The following ST8SIA6 variants were observed in gnomAD, a reference collection of about 807,000 sequenced individuals.
The protein encoded by ST8SIA6 is alpha-2,8-sialyltransferase 8F.
ST8SIA6 carries 39 observed loss-of-function variants against 33.6 expected under a neutral mutation model. That is an observed-to-expected ratio of 1.16 (90% CI 0.90 to 1.52). The LOEUF is 1.52. ST8SIA6 is among the 40% of genes most tolerant of loss of function. The pLI, the probability that ST8SIA6 is intolerant of heterozygous loss-of-function variation, is 0.00. For missense variants in ST8SIA6, 441 were observed against 443.8 expected (o/e 0.99, Z 0.06); for synonymous variants, 172 against 167.2 (o/e 1.03, Z -0.22).
At chr10:17,389,243 G>A (rs955309460) in intron 3 of ST8SIA6, among the ~76,000 whole-genome samples, 4 of 152,050 alleles carry the variant, frequency 2.6e-5, no homozygotes, top group Non-Finnish European at 4.4e-5. Flanking sequence ...ATAAAACTCC[G>A]GTCTCCCACA....
chr10:17,377,167 T>G (rs909215233), intron 3 of ST8SIA6, among the ~76,000 whole-genome samples: 7 of 152,130 alleles, frequency 4.6e-5, no homozygotes, highest in Non-Finnish European at 1.0e-4. Context: ...TCCTGGACAG[T>G]GAATCTCAGG....
intron 4 of ST8SIA6, among the ~76,000 whole-genome samples, chr10:17,347,209 G>C (rs1332018733): frequency 6.6e-6 from 1 of 152,214 alleles, no homozygotes; most frequent in African/African-American, 2.4e-5. Flanking sequence ...TAGCCAAGTA[G>C]ACACATACAA....
intron 3 of ST8SIA6, among the ~76,000 whole-genome samples, chr10:17,372,658 C>T (rs531562982): frequency 8.9e-4 from 135 of 152,096 alleles, no homozygotes; most frequent in Admixed American, 2.0e-3. Context: ...TAATAATTAT[C>T]GTCATTATGA....
chr10:17,367,563 A>G (rs988694285), intron 3 of ST8SIA6, among the ~76,000 whole-genome samples: 16 of 152,290 alleles, frequency 1.1e-4, no homozygotes, highest in African/African-American at 3.4e-4. Context: ...AAAGAGAATC[A>G]ATAAACAAAT....
chr10:17,451,220 G>A (rs1040019598), intron 2 of ST8SIA6, among the ~76,000 whole-genome samples: 2 of 152,114 alleles, frequency 1.3e-5, no homozygotes, highest in African/African-American at 4.8e-5. Flanking sequence ...TGGCATATAT[G>A]TACCACATAC....
chr10:17,338,265 C>T (rs1480299507), intron 4 of ST8SIA6, among the ~76,000 whole-genome samples: 1 of 152,180 alleles, frequency 6.6e-6, no homozygotes, highest in Non-Finnish European at 1.5e-5. Flanking sequence ...AACTCCCGAC[C>T]TCAGTGATCC....
At chr10:17,386,411 C>A in intron 3 of ST8SIA6, among the ~76,000 whole-genome samples, 1 of 152,082 alleles carries the variant, frequency 6.6e-6, no homozygotes, top group Admixed American at 6.5e-5. Flanking sequence ...TGGTGGCACG[C>A]GCCTGTAGTC....
chr10:17,363,799 A>C (rs1849472756), intron 3 of ST8SIA6, among the ~76,000 whole-genome samples: 2 of 152,206 alleles, frequency 1.3e-5, no homozygotes, highest in Non-Finnish European at 2.9e-5. Flanking sequence ...AGCTGATAGT[A>C]AAACATGAAT....
In ST8SIA6 at chr10:17,338,641, T is replaced by C. The variant is rs146549555; in HGVS notation, c.378-7089A>G. 1.2e-4 allele frequency among the ~76,000 whole-genome samples: 19 copies of C among 152,362 alleles called. No homozygotes were observed. The East Asian group carries it at 3.7e-3, about 29-fold the overall frequency. ...ATGTACATATAAATGCTTCAAAGCC[T>C]GTATAACTGAGACATTTGAGGCTCT... On this transcript the variant is annotated intron_variant, in intron 4 of 7. Transcript: ENST00000377602.
chr10:17,440,855 T>G (rs1332474158), intron 2 of ST8SIA6, among the ~76,000 whole-genome samples: 1 of 152,222 alleles, frequency 6.6e-6, no homozygotes, highest in African/African-American at 2.4e-5. Flanking sequence ...TCCCTAATGA[T>G]TAATGATGTA....
At chr10:17,414,431 C>T (rs1936220664) in intron 2 of ST8SIA6, among the ~76,000 whole-genome samples, 3 of 152,200 alleles carry the variant, frequency 2.0e-5, no homozygotes, top group Admixed American at 2.0e-4. Flanking sequence ...AAATAGAAGC[C>T]TGCAGAGGAG....
At chr10:17,413,069 T>G (rs778576869) in intron 2 of ST8SIA6, among the ~76,000 whole-genome samples, 18 of 152,170 alleles carry the variant, frequency 1.2e-4, no homozygotes, top group Admixed American at 2.6e-4. Context: ...CTAAGGAGAA[T>G]TTGAGATCAG....
intron 3 of ST8SIA6, among the ~76,000 whole-genome samples, chr10:17,362,272 T>C (rs1849415872): frequency 6.6e-6 from 1 of 152,180 alleles, no homozygotes; most frequent in African/African-American, 2.4e-5. Context: ...GTATACATAT[T>C]CCAACACTTG....
At chr10:17,378,978 T>C (rs1850019973) in intron 3 of ST8SIA6, among the ~76,000 whole-genome samples, 1 of 151,844 alleles carries the variant, frequency 6.6e-6, no homozygotes, top group Non-Finnish European at 1.5e-5. Context: ...TACAAAAAAT[T>C]AGCTGGGCGT....
Position 17,368,043 on chromosome 10 carries a change from G to A in ST8SIA6, c.291-8443C>T, listed in dbSNP as rs532017526. 2.5e-4 allele frequency among the ~76,000 whole-genome samples: 38 copies of A among 151,424 alleles called. No homozygotes were observed. In the South Asian group the frequency reaches 6.5e-3, roughly 26 times the overall value. On this transcript the variant is annotated intron_variant, in intron 3 of 7. Coordinates refer to ENST00000377602, the MANE Select transcript of ST8SIA6 (RefSeq NM_001004470.3). ...TATTTATTGAAAAAATATTTATTGC[G>A]CATTTGCTATGCATGAGACACTGTT...
At chr10:17,382,698 A>G (rs1850195626) in intron 3 of ST8SIA6, among the ~76,000 whole-genome samples, 1 of 152,222 alleles carries the variant, frequency 6.6e-6, no homozygotes, top group Admixed American at 6.5e-5. Context: ...GGCCCCGTAC[A>G]AGATGCCAAT....
intron 2 of ST8SIA6, among the ~76,000 whole-genome samples, chr10:17,415,913 G>A (rs1160410429): frequency 2.0e-5 from 3 of 148,964 alleles, no homozygotes; most frequent in Non-Finnish European, 4.4e-5. Context: ...AGGTTTATGC[G>A]ATTCTCCTGC....
At chr10:17,416,083 C>G (rs957678291) in intron 2 of ST8SIA6, among the ~76,000 whole-genome samples, 1 of 152,106 alleles carries the variant, frequency 6.6e-6, no homozygotes, top group Non-Finnish European at 1.5e-5. Context: ...GCTGGGATTA[C>G]AGAGGTGAGC....
intron 2 of ST8SIA6, among the ~76,000 whole-genome samples, chr10:17,399,681 C>A (rs1010224103): frequency 6.6e-6 from 1 of 152,008 alleles, no homozygotes; most frequent in African/African-American, 2.4e-5. Context: ...CTTTGGGAGG[C>A]AGAGGTAGGG....
Sources: allele counts gnomAD v4.1 joint callset (sites outside exome capture counted in the v4.1 genomes callset), GRCh38; gene constraint gnomAD v4.1.1; transcripts MANE v1.5; gene names NCBI Gene and HGNC (gene_info 2026-07-23, HGNC 2026-07-21).